Variants in PHC2 observed in about 807,000 individuals in gnomAD.
PHC2 encodes the protein polyhomeotic-like protein 2.
A neutral mutation model predicts 87.4 loss-of-function variants in PHC2; 29 were observed. The ratio of observed to expected loss-of-function variants is 0.33; its 90% CI spans 0.25 to 0.45. PHC2 has a LOEUF of 0.45. Ranked by LOEUF, PHC2 falls within the 20% of genes least tolerant of loss-of-function variation. PHC2 has a pLI of 1.00. For missense variants in PHC2, 857 were observed against 1,136.7 expected (o/e 0.75, Z 3.54); for synonymous variants, 438 against 461.7 (o/e 0.95, Z 0.66).
intron 1 of PHC2, among the ~76,000 whole-genome samples, chr1:33,393,049 C>CT (rs1649137345): frequency 6.6e-6 from 1 of 152,192 alleles, no homozygotes; most frequent in African/African-American, 2.4e-5. Context: ...CTTGTCCCCT[C>CT]TATCCTGTAC....
intron 1 of PHC2, among the ~76,000 whole-genome samples, chr1:33,418,359 G>C (rs1376675717): frequency 1.7e-5 from 2 of 116,628 alleles, no homozygotes; most frequent in Non-Finnish European, 4.3e-5. Context: ...GAGCAAGAGA[G>C]AGAAAGAGAG....
intron 7 of PHC2, among the ~76,000 whole-genome samples, chr1:33,355,673 GCT>G (rs1351662354): frequency 6.6e-6 from 1 of 152,290 alleles, no homozygotes; most frequent in South Asian, 2.1e-4. Context: ...ACCCAACCCA[GCT>G]CTGTGTGGCT....
chr1:33,373,384 G>A (rs1647978626), intron 2 of PHC2, among the ~76,000 whole-genome samples: 1 of 152,142 alleles, frequency 6.6e-6, no homozygotes, highest in South Asian at 2.1e-4. Context: ...GTCTCCCAAA[G>A]TGCTGGGATT....
chr1:33,418,292 T>C (rs1250282159), intron 1 of PHC2, among the ~76,000 whole-genome samples: 1 of 151,962 alleles, frequency 6.6e-6, no homozygotes, highest in Admixed American at 6.5e-5. Flanking sequence ...GCTGGCTCTT[T>C]GAAAAGATCA....
intron 1 of PHC2, among the ~76,000 whole-genome samples, chr1:33,400,260 A>C (rs371489314): frequency 1.3e-5 from 2 of 152,320 alleles, no homozygotes; most frequent in South Asian, 4.1e-4. Flanking sequence ...CTTTGACCCA[A>C]CAATTCTGTT....
Position 33,374,192 on chromosome 1 carries a change from C to T in PHC2, c.174+1174G>A, listed in dbSNP as rs1207958104. Among the ~76,000 whole-genome samples the T allele has an allele frequency of 2.0e-5, 3 of 152,178 alleles. No homozygotes were observed. The East Asian group carries it at 5.8e-4, about 29-fold the overall frequency. The stretch of plus-strand genomic sequence containing the variant: ...CCCATGTAGTTGAGATCCTGTGACC[C>T]TTCCTCATGAGAAGATGTCAATGAA... On this transcript the variant is annotated intron_variant, in intron 2 of 14. Transcript: ENST00000683057.
At chr1:33,419,944 A>G (rs1438146226) in intron 1 of PHC2, among the ~76,000 whole-genome samples, 1 of 151,860 alleles carries the variant, frequency 6.6e-6, no homozygotes, top group Non-Finnish European at 1.5e-5. Context: ...GATTGTATTT[A>G]GCGCCCACCC....
intron 5 of PHC2, among the ~76,000 whole-genome samples, chr1:33,370,137 A>T (rs1647730613): frequency 6.6e-6 from 1 of 151,996 alleles, no homozygotes. Context: ...AATTTTGAGG[A>T]GTTTCTGATA....
intron 1 of PHC2, among the ~76,000 whole-genome samples, chr1:33,430,705 G>C (rs1261879348): frequency 6.6e-6 from 1 of 151,438 alleles, no homozygotes; most frequent in Non-Finnish European, 1.5e-5. Context: ...TTCCCGGCCC[G>C]GGGGCGCCGC....
rs777114162 is a variant in PHC2, at chr1:33,370,593, G to C, written c.412-8C>G. The C allele has an allele frequency of 1.9e-6, 3 of 1,610,104 alleles. No homozygotes were observed. Among genetic ancestry groups the C allele is most frequent in the Non-Finnish European group, 2.5e-6 (3 of 1,177,138 alleles). ...GGAGGCTGCCAGGTTGATCTAATGAGAGAGACATGTGCGGTAGGAGATAGG... is the reference window on the plus strand; with the variant it reads ...GGAGGCTGCCAGGTTGATCTAATGACAGAGACATGTGCGGTAGGAGATAGG... On this transcript the variant is annotated splice_polypyrimidine_tract_variant and splice_region_variant and intron_variant, in intron 4 of 14. Coordinates refer to ENST00000683057, the MANE Select transcript of PHC2 (RefSeq NM_001385109.1).
At chr1:33,351,598 CGT>C (rs1491481320) in intron 9 of PHC2, among the ~76,000 whole-genome samples, 1 of 152,060 alleles carries the variant, frequency 6.6e-6, no homozygotes. Context: ...GGGTACAGAC[CGT>C]GTTTCTCAGT....
rs1465087613 is a variant in PHC2, at chr1:33,431,028, GCCCCTCAGCCCGC to G, written c.-120_-108del. The G allele has an allele frequency of 2.0e-5, 3 of 152,034 alleles. No individual in the cohort carries two copies. The highest frequency in any genetic ancestry group is 4.4e-5 in the Non-Finnish European group (3 of 68,040). 9.4% of individuals were successfully genotyped at this position (152,034 alleles called of 1,614,324 possible). On this transcript the variant is annotated 5_prime_UTR_variant, in exon 1 of 15. Coordinates refer to ENST00000683057, the MANE Select transcript of PHC2 (RefSeq NM_001385109.1). ...ACCTGGCCGCTCTCTCCCGGGGGCCGCCCCTCAGCCCGCCCCCTCGGCTCGGCGCCGCGCACCC... is the reference window on the plus strand; with the variant it reads ...ACCTGGCCGCTCTCTCCCGGGGGCCGCCCCTCGGCTCGGCGCCGCGCACCC...
rs145448809 is a variant in PHC2 at position 33,364,410 on chromosome 1, A to ACACG, written c.976+2705_976+2706insCGTG. ...TGCTTTCACACACACACACACACAC[A>ACACG]CACACACACACACACGCTCAAGCAC... On this transcript the variant is annotated intron_variant, in intron 7 of 14. Coordinates refer to ENST00000683057, the MANE Select transcript of PHC2 (RefSeq NM_001385109.1). The surrounding 1 kb of genome is among the most constrained non-coding windows in gnomAD (Gnocchi z 4.1). Among the ~76,000 whole-genome samples, 65,826 of 149,902 alleles carry ACACG rather than the reference A, an allele frequency of 0.44. 14,786 individuals are homozygous for ACACG. The highest frequency in any genetic ancestry group is 0.54 in the African/African-American group (21,875 of 40,598).
intron 12 of PHC2, among the ~76,000 whole-genome samples, chr1:33,330,573 T>A (rs1266245653): frequency 6.6e-6 from 1 of 152,208 alleles, no homozygotes; most frequent in African/African-American, 2.4e-5. Context: ...ACTGTCCTGC[T>A]GGGGAGTGGC....
intron 1 of PHC2, among the ~76,000 whole-genome samples, chr1:33,428,836 C>A (rs1444485319): frequency 1.3e-5 from 2 of 152,160 alleles, no homozygotes; most frequent in Non-Finnish European, 2.9e-5. Context: ...CTATGGAGGG[C>A]CTGGCCCAGT....
chr1:33,384,673 C>T (rs1166889459), intron 1 of PHC2, among the ~76,000 whole-genome samples: 1 of 152,204 alleles, frequency 6.6e-6, no homozygotes, highest in Non-Finnish European at 1.5e-5. Context: ...CTGGCCGGAG[C>T]GCATTCACCC....
At chr1:33,359,959 T>A (rs935567486) in intron 7 of PHC2, among the ~76,000 whole-genome samples, 1 of 152,210 alleles carries the variant, frequency 6.6e-6, no homozygotes, top group Non-Finnish European at 1.5e-5. Flanking sequence ...GGGCTGCTTA[T>A]CCCTAAAGAT....
chr1:33,359,554 C>T (rs80078388), intron 7 of PHC2, among the ~76,000 whole-genome samples: 163 of 152,334 alleles, frequency 1.1e-3, no homozygotes, highest in African/African-American at 3.7e-3. Flanking sequence ...AAGCACCCAC[C>T]ACACACCAAG....
chr1:33,377,257 A>G (rs1243784391), intron 1 of PHC2, among the ~76,000 whole-genome samples: 1 of 152,228 alleles, frequency 6.6e-6, no homozygotes, highest in African/African-American at 2.4e-5. Context: ...AGTGCCAAGC[A>G]TATCCTGTGT....
Sources: allele counts gnomAD v4.1 joint callset (sites outside exome capture counted in the v4.1 genomes callset), GRCh38; gene constraint gnomAD v4.1.1; non-coding constraint Gnocchi (gnomAD v3.1); transcripts MANE v1.5; gene names NCBI Gene and HGNC (gene_info 2026-07-23, HGNC 2026-07-21).